CYRIB: variants seen among roughly 807,000 people sequenced by gnomAD.
The protein encoded by CYRIB is CYFIP-related Rac1 interactor B.
CYRIB carries 8 observed loss-of-function variants against 44.2 expected under a neutral mutation model. The ratio of observed to expected loss-of-function variants is 0.18; its 90% confidence interval spans 0.11 to 0.33. The LOEUF is 0.33. Ranked by LOEUF, CYRIB falls within the 10% of genes least tolerant of loss-of-function variation. CYRIB has a pLI of 1.00. For synonymous variants in CYRIB, 131 were observed against 127.2 expected, an observed-to-expected ratio of 1.03 and a Z score of -0.20; for missense variants, 185 against 382.8, an observed-to-expected ratio of 0.48 and a Z score of 4.31.
intron 1 of CYRIB, among the ~76,000 whole-genome samples, chr8:129,923,761 T>C (rs1237001472): frequency 2.0e-5 from 3 of 151,860 alleles, no homozygotes; most frequent in Non-Finnish European, 4.4e-5. Context: ...CTCCGTTTAG[T>C]ATTTTTAAGG....
chr8:129,891,105 G>A (rs926553641), intron 2 of CYRIB, among the ~76,000 whole-genome samples: 1 of 152,034 alleles, frequency 6.6e-6, no homozygotes, highest in Non-Finnish European at 1.5e-5. Context: ...GCATTATCTG[G>A]CCCCCTTCAA....
intron 2 of CYRIB, among the ~76,000 whole-genome samples, chr8:129,894,930 T>TA (rs1491255733): frequency 1.8e-4 from 26 of 148,110 alleles, no homozygotes; most frequent in Non-Finnish European, 3.1e-4. Flanking sequence ...TATATATATA[T>TA]TTTTTTAATT....
At chr8:129,972,740 C>T (rs1403081372) in intron 1 of CYRIB, among the ~76,000 whole-genome samples, 3 of 151,838 alleles carry the variant, frequency 2.0e-5, no homozygotes, top group Non-Finnish European at 4.4e-5. Flanking sequence ...ATCCCAGGAA[C>T]ATACCCCACG....
At chr8:129,973,688 A>C (rs1023412950) in intron 1 of CYRIB, among the ~76,000 whole-genome samples, 1 of 152,138 alleles carries the variant, frequency 6.6e-6, no homozygotes, top group African/African-American at 2.4e-5. Context: ...TTAGTTCTTT[A>C]AAAAATACTC....
intron 1 of CYRIB, among the ~76,000 whole-genome samples, chr8:129,908,951 T>TAA (rs5895012): frequency 6.6e-6 from 1 of 151,908 alleles, no homozygotes. Context: ...ATAAAGATTT[T>TAA]AAAAAAATGT....
chr8:130,003,779 G>A (rs1476453172), intron 1 of CYRIB, among the ~76,000 whole-genome samples: 1 of 152,164 alleles, frequency 6.6e-6, no homozygotes, highest in Non-Finnish European at 1.5e-5. Flanking sequence ...GGGGGACAGT[G>A]GGGGACGTTC....
At chr8:129,929,077 C>G (rs1339488459) in intron 1 of CYRIB, among the ~76,000 whole-genome samples, 2 of 152,006 alleles carry the variant, frequency 1.3e-5, no homozygotes, top group African/African-American at 4.8e-5. Flanking sequence ...TGTGGCATAT[C>G]CACAGAATGG....
At chr8:129,887,392 T>C (rs1164214114) in intron 2 of CYRIB, among the ~76,000 whole-genome samples, 2 of 152,214 alleles carry the variant, frequency 1.3e-5, no homozygotes, top group African/African-American at 2.4e-5. Flanking sequence ...TGTATGGACA[T>C]GCCTGGATGT....
chr8:129,881,616 A>G (rs1314164853), intron 2 of CYRIB, among the ~76,000 whole-genome samples: 1 of 152,240 alleles, frequency 6.6e-6, no homozygotes, highest in Non-Finnish European at 1.5e-5. Context: ...AATTTCTTAT[A>G]AAATGTTAAA....
At chr8:129,950,499 G>A (rs920717101) in intron 2 of CYRIB, among the ~76,000 whole-genome samples, 1 of 152,044 alleles carries the variant, frequency 6.6e-6, no homozygotes, top group African/African-American at 2.4e-5. Context: ...GAACCCAGGA[G>A]GTGGAGGTTG....
chr8:129,956,837 A>C (rs837225), intron 2 of CYRIB, among the ~76,000 whole-genome samples: 97,313 of 116,180 alleles, frequency 0.84, 39,554 homozygotes, highest in East Asian at 0.97. Flanking sequence ...CCCTCCCCCC[A>C]GCCTCTCTTT....
intron 2 of CYRIB, among the ~76,000 whole-genome samples, chr8:129,882,737 C>A (rs919132593): frequency 6.6e-6 from 1 of 152,124 alleles, no homozygotes; most frequent in Non-Finnish European, 1.5e-5. Context: ...TAAACTTCTT[C>A]CTCTGTATAT....
intron 1 of CYRIB, among the ~76,000 whole-genome samples, chr8:129,925,941 C>T (rs1326062068): frequency 6.6e-6 from 1 of 152,196 alleles, no homozygotes; most frequent in Non-Finnish European, 1.5e-5. Context: ...TTTCTAACAA[C>T]ACGTGTCAAA....
chr8:129,920,199 A>T (rs1488391769), intron 1 of CYRIB, among the ~76,000 whole-genome samples: 3 of 151,982 alleles, frequency 2.0e-5, no homozygotes, highest in Non-Finnish European at 2.9e-5. Context: ...CAGCCTGTTA[A>T]ATGTCCTATG....
chr8:129,921,474 T>C (rs1482418975), intron 1 of CYRIB, among the ~76,000 whole-genome samples: 1 of 152,154 alleles, frequency 6.6e-6, no homozygotes, highest in Non-Finnish European at 1.5e-5. Context: ...ACCGAGACCT[T>C]TTACAAGGTC....
At chr8:129,981,641 T>C (rs982952287) in intron 1 of CYRIB, among the ~76,000 whole-genome samples, 4 of 152,202 alleles carry the variant, frequency 2.6e-5, no homozygotes, top group Non-Finnish European at 5.9e-5. Context: ...AGAATATTAT[T>C]TCTGGGTATC....
rs34764499 is a variant in CYRIB, at chr8:129,883,112, C to CAAAAA, written c.-10-3646_-10-3642dup. 5.4e-3 allele frequency among the ~76,000 whole-genome samples: 221 copies of CAAAAA among 41,258 alleles called. 14 individuals carry two copies. The highest frequency in any genetic ancestry group is 0.021 in the African/African-American group (214 of 10,354). 27.1% of individuals were successfully genotyped at this position (41,258 alleles called of 152,430 possible). A position where few individuals can be genotyped will look rare whatever the true frequency, so the allele number is the denominator to read the frequency against. On this transcript the variant is annotated intron_variant, in intron 2 of 11. Coordinates refer to ENST00000519824, the Ensembl canonical transcript of CYRIB. The stretch of plus-strand genomic sequence containing the variant: ...TAGGCAACAGAGCTAGACTCCCTCT[C>CAAAAA]AAAAAAAAAAAAAAAAAAAAAAAAA...
chr8:129,883,844 T>A (rs569193559), intron 2 of CYRIB, among the ~76,000 whole-genome samples: 1 of 148,250 alleles, frequency 6.7e-6, no homozygotes, highest in South Asian at 2.1e-4. Context: ...GTTCCTAAAA[T>A]CATTAAATGG....
intron 2 of CYRIB, among the ~76,000 whole-genome samples, chr8:129,884,535 G>A (rs763456026): frequency 6.6e-6 from 1 of 152,074 alleles, no homozygotes; most frequent in Non-Finnish European, 1.5e-5. Context: ...TGACCTACCC[G>A]CCTCAGCCTC....
Sources: gnomAD v4.1 joint callset for allele counts (sites outside exome capture counted in the v4.1 genomes callset) on GRCh38, gnomAD v4.1.1 for gene constraint, MANE v1.5 for transcripts, NCBI Gene and HGNC (gene_info 2026-07-23, HGNC 2026-07-21) for gene names.